The following RELN variants were observed in gnomAD, a reference collection of about 807,000 sequenced individuals.
RELN encodes reelin.
RELN carries 108 observed loss-of-function variants against 427.6 expected under a neutral mutation model. The ratio of observed to expected loss-of-function variants is 0.25; its 90% CI spans 0.22 to 0.30. The LOEUF is 0.30. Ranked by LOEUF, RELN falls within the 10% of genes least tolerant of loss-of-function variation. The probability of loss-of-function intolerance (pLI) is 1.00; values close to 1 mark genes in which losing one functional copy is unlikely to be tolerated. For synonymous variants in RELN, 1,524 were observed against 1,513.4 expected, an observed-to-expected ratio of 1.01 and a Z score of -0.16; for missense variants, 3,715 against 4,302.8, an observed-to-expected ratio of 0.86 and a Z score of 3.82.
intron 16 of RELN, among the ~76,000 whole-genome samples, chr7:103,649,601 CAA>C (rs757596658): frequency 4.0e-5 from 6 of 151,714 alleles, no homozygotes; most frequent in Non-Finnish European, 5.9e-5. Flanking sequence ...AGACAAAAAC[CAA>C]AGAGTTGGTG....
At chr7:103,892,454 A>C (rs1364932765) in intron 2 of RELN, among the ~76,000 whole-genome samples, 1 of 152,210 alleles carries the variant, frequency 6.6e-6, no homozygotes, top group African/African-American at 2.4e-5. Context: ...GTTACACATT[A>C]GTACTTTTTT....
At chr7:103,763,862 G>A (rs1323611815) in intron 4 of RELN, among the ~76,000 whole-genome samples, 1 of 152,046 alleles carries the variant, frequency 6.6e-6, no homozygotes, top group African/African-American at 2.4e-5. Context: ...TTGAGGCCAG[G>A]AGCATTTTGA....
intron 53 of RELN, among the ~76,000 whole-genome samples, chr7:103,499,348 T>TTATC (rs1828944720): frequency 1.3e-5 from 2 of 152,192 alleles, no homozygotes; most frequent in South Asian, 4.1e-4. Context: ...TAAAATTTGC[T>TTATC]TATCTCCTCA....
chr7:103,792,743 C>T (rs2116277568), intron 3 of RELN, among the ~76,000 whole-genome samples: 1 of 151,466 alleles, frequency 6.6e-6, no homozygotes, highest in Admixed American at 6.6e-5. Flanking sequence ...TACTAAAAGC[C>T]ACCTAATTGT....
intron 10 of RELN, among the ~76,000 whole-genome samples, chr7:103,682,849 T>C (rs1833684220): frequency 6.6e-6 from 1 of 152,148 alleles, no homozygotes; most frequent in Non-Finnish European, 1.5e-5. Flanking sequence ...AATGAGGAAC[T>C]GGGAAACTAT....
In RELN at chr7:103,833,250, G is replaced by A. The variant is rs113470662; in HGVS notation, c.473+287C>T. Among the ~76,000 whole-genome samples, 80 of 151,936 alleles carry A rather than the reference G, an allele frequency of 5.3e-4. 3 individuals carry two copies. The highest frequency in any genetic ancestry group is 1.8e-3 in the African/African-American group (73 of 41,452). On this transcript the variant is annotated intron_variant, in intron 3 of 64. Coordinates refer to ENST00000428762, the MANE Select transcript of RELN (RefSeq NM_005045.4). ...TAAAAAATTTCTCCCTGTTCCCCACGTCCCCTACCCTCCTGTCCCACCAAT... is the reference window on the plus strand; with the variant it reads ...TAAAAAATTTCTCCCTGTTCCCCACATCCCCTACCCTCCTGTCCCACCAAT...
At position 103,582,924 on chromosome 7, in the gene RELN, A is replaced by G. The variant is rs192272684; in HGVS notation, c.4145+6672T>C. Among the ~76,000 whole-genome samples the G allele has an allele frequency of 9.8e-5, 15 of 152,294 alleles. No individual in the cohort carries two copies. The East Asian group carries it at 1.9e-3, about 20-fold the overall frequency. On this transcript the variant is annotated intron_variant, in intron 28 of 64. Transcript: ENST00000428762. ...TTTATATGTCCAGTGTAGGTTGGCAAGGGAGTCTGCTTATTGTAGACCCTC... is the reference window on the plus strand; with the variant it reads ...TTTATATGTCCAGTGTAGGTTGGCAGGGGAGTCTGCTTATTGTAGACCCTC...
intron 46 of RELN, among the ~76,000 whole-genome samples, chr7:103,528,086 T>C (rs1829863646): frequency 6.6e-6 from 1 of 152,148 alleles, no homozygotes; most frequent in East Asian, 1.9e-4. Context: ...AGTGAAAACA[T>C]ACATCCACAT....
chr7:103,903,855 T>TG (rs1032075347), intron 2 of RELN, among the ~76,000 whole-genome samples: 14 of 152,042 alleles, frequency 9.2e-5, no homozygotes, highest in African/African-American at 2.4e-4. Context: ...TTTTTGTTTT[T>TG]TTTTAAGTTC....
At chr7:103,498,916 G>A (rs1485924858) in intron 53 of RELN, among the ~76,000 whole-genome samples, 1 of 152,156 alleles carries the variant, frequency 6.6e-6, no homozygotes, top group East Asian at 1.9e-4. Context: ...TATGAAACAT[G>A]CCAAAAGGAA....
rs1421459215 is a variant in RELN at position 103,687,635 on chromosome 7, G to A, written c.1144-5374C>T. 2.0e-5 allele frequency among the ~76,000 whole-genome samples: 3 copies of A among 152,070 alleles called. No homozygotes were observed. In the East Asian group the frequency reaches 5.8e-4, roughly 30 times the overall value. On this transcript the variant is annotated intron_variant, in intron 10 of 64. Transcript: ENST00000428762. ...GTCACTATGCAAGCTATTGTGCTAGGTGCCATGCTAGGTACAAAGATGATA... is the reference window on the plus strand; with the variant it reads ...GTCACTATGCAAGCTATTGTGCTAGATGCCATGCTAGGTACAAAGATGATA...
chr7:103,499,866 T>C (rs1464979142), intron 53 of RELN, among the ~76,000 whole-genome samples: 1 of 152,216 alleles, frequency 6.6e-6, no homozygotes, highest in Non-Finnish European at 1.5e-5. Context: ...TTTTCAAAAG[T>C]TTATTAATTA....
intron 31 of RELN, among the ~76,000 whole-genome samples, chr7:103,571,635 C>G (rs1010524305): frequency 6.6e-6 from 1 of 152,094 alleles, no homozygotes; most frequent in African/African-American, 2.4e-5. Context: ...TTACTTATGG[C>G]AAAAGGGTAT....
chr7:103,958,578 T>C (rs1227890945), intron 1 of RELN, among the ~76,000 whole-genome samples: 1 of 152,132 alleles, frequency 6.6e-6, no homozygotes, highest in African/African-American at 2.4e-5. Context: ...TTTCAGTGAA[T>C]ATCTATGTGT....
Position 103,486,395 on chromosome 7 carries a change from C to T in RELN, c.9785G>A (p.Ser3262Asn). ...SFQGDDCSVF[S>N]HDLPSYIKDN... is the part of the protein sequence containing the mutation. ...TTTAATATAACTGGGAAGGTCGTGA[C>T]TGAAAACAGAGCAGTCATCACCTAG... The change falls in exon 61 of 65, where the codon AGT becomes AAT. Residue 3262 changes from serine to asparagine, a missense_variant. Physicochemically the swap from Ser to Asn is conservative, Grantham distance 46. This residue lies in a region of RELN where 195 missense variants were observed against 281.3 expected (regional missense o/e 0.69). Coordinates refer to ENST00000428762, the MANE Select transcript of RELN (RefSeq NM_005045.4). The T allele has an allele frequency of 6.2e-7, 1 of 1,614,094 alleles. No individual in the cohort carries two copies. The highest frequency in any genetic ancestry group is 8.5e-7 in the Non-Finnish European group (1 of 1,179,982).
At chr7:103,866,881 A>G (rs1349604176) in intron 2 of RELN, among the ~76,000 whole-genome samples, 2 of 152,060 alleles carry the variant, frequency 1.3e-5, no homozygotes, top group African/African-American at 2.4e-5. Flanking sequence ...CCTGACATAC[A>G]TACTCTAGAG....
chr7:103,514,105 C>T (rs939430371), intron 50 of RELN: 1 of 152,078 alleles, frequency 6.6e-6, no homozygotes, highest in Non-Finnish European at 1.5e-5. Context: ...CTTTTCCATG[C>T]AAGTTGCTAG....
At chr7:103,554,706 A>C (rs1356201867) in intron 38 of RELN, among the ~76,000 whole-genome samples, 2 of 152,214 alleles carry the variant, frequency 1.3e-5, no homozygotes, top group Non-Finnish European at 2.9e-5. Flanking sequence ...GCTGTCCTTC[A>C]AATAATAGCA....
intron 2 of RELN, among the ~76,000 whole-genome samples, chr7:103,849,254 T>A (rs766974303): frequency 2.0e-4 from 30 of 152,236 alleles, no homozygotes; most frequent in Non-Finnish European, 4.1e-4. Flanking sequence ...GGAGTCATTA[T>A]TGATTACTTT....
Sources: allele counts gnomAD v4.1 joint callset (sites outside exome capture counted in the v4.1 genomes callset), GRCh38; gene constraint gnomAD v4.1.1; regional missense constraint gnomAD v4.1.1; transcripts MANE v1.5; gene names NCBI Gene and HGNC (gene_info 2026-07-23, HGNC 2026-07-21).